The following ATXN7L1 variants were observed in gnomAD, a reference collection of about 807,000 sequenced individuals.
ATXN7L1 encodes ataxin 7 like 1, also known as ataxin-7-like protein 1.
In ATXN7L1, 15 loss-of-function variants were observed where a neutral mutation model predicts 70.8. The observed-to-expected ratio is 0.21, with a 90% CI of 0.14 to 0.33. The LOEUF (loss-of-function observed/expected upper bound fraction) is 0.33. Among genes scored for constraint, ATXN7L1 ranks in the 10% least tolerant of loss-of-function variants. The pLI is 1.00. For synonymous variants in ATXN7L1, 440 were observed against 445.1 expected, an observed-to-expected ratio of 0.99 and a Z score of 0.14; for missense variants, 975 against 1,097.1, an observed-to-expected ratio of 0.89 and a Z score of 1.57.
intron 3 of ATXN7L1, chr7:105,761,374 A>G (rs1325033281): frequency 1.2e-6 from 2 of 1,613,726 alleles, no homozygotes; most frequent in Non-Finnish European, 1.7e-6. Flanking sequence ...TGCGTTTTCC[A>G]TTCTCACACC....
At chr7:105,798,182 T>C (rs534008675) in intron 2 of ATXN7L1, among the ~76,000 whole-genome samples, 1 of 152,234 alleles carries the variant, frequency 6.6e-6, no homozygotes, top group East Asian at 1.9e-4. Context: ...GGAGAAGTGG[T>C]CTATTCCTGT....
intron 3 of ATXN7L1, among the ~76,000 whole-genome samples, chr7:105,707,491 T>G (rs978981880): frequency 6.6e-5 from 10 of 152,298 alleles, no homozygotes; most frequent in African/African-American, 2.4e-4. Context: ...GAACCCTGGC[T>G]GCAGTCTGAG....
rs778538119 is a variant in ATXN7L1 at position 105,642,884 on chromosome 7, G to T, written c.816C>A (p.His272Gln). 2.6e-6 allele frequency: 4 copies of T among 1,551,594 alleles called. No individual in the cohort carries two copies. The African/African-American group carries it at 4.1e-5, about 16-fold the overall frequency. Residue 272 changes from histidine to glutamine, a missense_variant, in exon 5 of 12, where the codon CAC becomes CAA. Transcript: ENST00000419735. ...TGTTGCTGTTTTTGGTGCCATTTTG[G>T]TGTTTCTTGTCTATGGTGGTTGGCA... is the stretch of plus-strand genomic sequence containing the variant. ...GILPTTIDKK[H>Q]QNGTKNSNKP...
At chr7:105,642,206 G>A (rs1487418621) in intron 5 of ATXN7L1, among the ~76,000 whole-genome samples, 5 of 152,176 alleles carry the variant, frequency 3.3e-5, no homozygotes, top group African/African-American at 7.2e-5. Context: ...GGCACCCCAA[G>A]TGTCTGCTCA....
At chr7:105,783,924 T>C (rs1362804614) in intron 3 of ATXN7L1, among the ~76,000 whole-genome samples, 1 of 152,102 alleles carries the variant, frequency 6.6e-6, no homozygotes, top group East Asian at 1.9e-4. Flanking sequence ...ACTGAGCCTT[T>C]AACCTGTGGG....
intron 4 of ATXN7L1, among the ~76,000 whole-genome samples, chr7:105,660,548 C>A (rs957259499): frequency 7.0e-6 from 1 of 143,152 alleles, no homozygotes; most frequent in Non-Finnish European, 1.5e-5. Context: ...CTTCCTACTA[C>A]TTGTCCTTCT....
intron 2 of ATXN7L1, among the ~76,000 whole-genome samples, chr7:105,836,198 A>C (rs1254327260): frequency 6.6e-6 from 1 of 152,198 alleles, no homozygotes; most frequent in Non-Finnish European, 1.5e-5. Context: ...TGAAACCCAC[A>C]GGAACCCCAA....
intron 3 of ATXN7L1, among the ~76,000 whole-genome samples, chr7:105,766,742 T>G (rs958430583): frequency 6.6e-6 from 1 of 152,212 alleles, no homozygotes; most frequent in South Asian, 2.1e-4. Flanking sequence ...TTTATCTACC[T>G]GTGACAGGGA....
intron 2 of ATXN7L1, among the ~76,000 whole-genome samples, chr7:105,833,407 G>A (rs1585110979): frequency 6.6e-6 from 1 of 152,080 alleles, no homozygotes; most frequent in South Asian, 2.1e-4. Flanking sequence ...CCTGGCACAC[G>A]CTACATGATA....
At position 105,705,738 on chromosome 7, in the gene ATXN7L1, G is replaced by A. The variant is rs527538104; in HGVS notation, c.356-40450C>T. 2.6e-5 allele frequency among the ~76,000 whole-genome samples: 4 copies of A among 152,216 alleles called. No homozygotes were observed. In the East Asian group the frequency reaches 5.8e-4, roughly 22 times the overall value. On this transcript the variant is annotated intron_variant, in intron 3 of 11. Coordinates refer to ENST00000419735, the MANE Select transcript of ATXN7L1 (RefSeq NM_020725.2). ...GGTCCACTCGTTTGTTCTTCACCTT[G>A]GTTAACTCCTTGTTTTCTTTCAGGA...
At position 105,662,069 on chromosome 7, in the gene ATXN7L1, TCCTTCCTTCC is replaced by T. The variant is rs1562967609; in HGVS notation, c.578+2987_578+2996del. ...TTCCTTCCTTCCTTCCTTCCTTCCT[TCCTTCCTTCC>T]TTCTTTCTTTTCTTTTCTTTTCTTT... is the stretch of plus-strand genomic sequence containing the variant. On this transcript the variant is annotated intron_variant, in intron 4 of 11. Transcript: ENST00000419735. Among the ~76,000 whole-genome samples, 287 of 93,652 alleles carry T rather than the reference TCCTTCCTTCC, an allele frequency of 3.1e-3. 3 individuals carry two copies. The East Asian group carries it at 0.076, about 25-fold the overall frequency. 61.4% of individuals were successfully genotyped at this position (93,652 alleles called of 152,430 possible).
intron 5 of ATXN7L1, among the ~76,000 whole-genome samples, chr7:105,641,214 C>CTCTTTTT (rs1316374331): frequency 6.4e-4 from 14 of 21,792 alleles, no homozygotes; most frequent in African/African-American, 1.7e-3. Flanking sequence ...CTCTCTCTCT[C>CTCTTTTT]TTTTTTTTTT....
chr7:105,608,737 G>C (rs1171889013), intron 11 of ATXN7L1, among the ~76,000 whole-genome samples: 1 of 152,112 alleles, frequency 6.6e-6, no homozygotes, highest in African/African-American at 2.4e-5. Context: ...CTGGCCTGGG[G>C]ATACAAAAAC....
chr7:105,867,821 T>A (rs986931429), intron 2 of ATXN7L1, among the ~76,000 whole-genome samples: 1 of 152,326 alleles, frequency 6.6e-6, no homozygotes. Flanking sequence ...CCCTGGGACA[T>A]TTGGCAATGT....
intron 2 of ATXN7L1, among the ~76,000 whole-genome samples, chr7:105,874,771 C>T (rs961619955): frequency 5.9e-5 from 9 of 152,292 alleles, no homozygotes; most frequent in African/African-American, 1.9e-4. Context: ...TCCATCTTTC[C>T]ACGCAGGCTT....
intron 2 of ATXN7L1, among the ~76,000 whole-genome samples, chr7:105,860,069 C>T (rs910449608): frequency 2.7e-4 from 39 of 146,238 alleles, no homozygotes; most frequent in Admixed American, 1.6e-3. Context: ...GCATGAGTCA[C>T]GATGCCTGGC....
chr7:105,701,764 G>T (rs1037801808), intron 3 of ATXN7L1, among the ~76,000 whole-genome samples: 3 of 152,294 alleles, frequency 2.0e-5, no homozygotes, highest in South Asian at 4.1e-4. Flanking sequence ...GACTGCAGTG[G>T]TGTGATCACA....
At chr7:105,775,936 T>A (rs1802659079) in intron 3 of ATXN7L1, among the ~76,000 whole-genome samples, 1 of 151,742 alleles carries the variant, frequency 6.6e-6, no homozygotes, top group Non-Finnish European at 1.5e-5. Flanking sequence ...GGAGGGGGAG[T>A]CTGGCACAGT....
chr7:105,700,736 G>A (rs1224612392), intron 3 of ATXN7L1, among the ~76,000 whole-genome samples: 1 of 152,144 alleles, frequency 6.6e-6, no homozygotes, highest in East Asian at 1.9e-4. Flanking sequence ...AGGCTGCAGT[G>A]TAGTGGTGCA....
Sources: gnomAD v4.1 joint callset for allele counts (sites outside exome capture counted in the v4.1 genomes callset) on GRCh38, gnomAD v4.1.1 for gene constraint, MANE v1.5 for transcripts, NCBI Gene and HGNC (gene_info 2026-07-23, HGNC 2026-07-21) for gene names.